FGF14: variants seen among roughly 807,000 people sequenced by gnomAD.
FGF14 encodes fibroblast growth factor 14.
A neutral mutation model predicts 25.5 loss-of-function variants in FGF14; 5 were observed. The ratio of observed to expected loss-of-function variants is 0.20; its 90% confidence interval spans 0.10 to 0.41. The LOEUF (loss-of-function observed/expected upper bound fraction) is 0.41. Ranked by LOEUF, FGF14 falls within the 10% of genes least tolerant of loss-of-function variation. FGF14 has a pLI of 1.00. For synonymous variants in FGF14, 138 were observed against 118.3 expected (o/e 1.17, Z -1.08); for missense variants, 222 against 320.1 (o/e 0.69, Z 2.34).
At chr13:101,799,961 CAAAT>C (rs1353632075) in intron 3 of FGF14, among the ~76,000 whole-genome samples, 1 of 152,082 alleles carries the variant, frequency 6.6e-6, no homozygotes, top group African/African-American at 2.4e-5. Flanking sequence ...TTAGTGCAGA[CAAAT>C]GAATTGCCTT....
At chr13:102,034,402 T>C (rs934673872) in intron 1 of FGF14, among the ~76,000 whole-genome samples, 2 of 152,210 alleles carry the variant, frequency 1.3e-5, no homozygotes, top group Non-Finnish European at 2.9e-5. Flanking sequence ...TTCATGATAC[T>C]GGCTGTTTAG....
At chr13:102,190,836 A>G (rs981914855) in intron 1 of FGF14, among the ~76,000 whole-genome samples, 4 of 152,292 alleles carry the variant, frequency 2.6e-5, no homozygotes, top group Middle Eastern at 3.4e-3. Context: ...ATTCTTTATT[A>G]AAGAAAAAAC....
chr13:102,337,355 G>T (rs905230050), intron 1 of FGF14, among the ~76,000 whole-genome samples: 4 of 152,130 alleles, frequency 2.6e-5, no homozygotes, highest in African/African-American at 7.2e-5. Context: ...AAAAGCAAGA[G>T]AATTAGAATT....
In FGF14 at chr13:102,400,474, G is replaced by GCGC. The variant is rs1334943636; in HGVS notation, c.208+994_208+996dup. ...AAGGCTGCGCCCAGCCTCCTCGCCA[G>GCGC]CGCCGCCGCCACCACCATGCAGCCC... On this transcript the variant is annotated intron_variant, in intron 1 of 4. Coordinates refer to the FGF14 transcript ENST00000376131. The surrounding 1 kb of genome is among the most constrained non-coding windows in gnomAD (Gnocchi z 4.3). Among the ~76,000 whole-genome samples, 2 of 152,188 alleles carry GCGC rather than the reference G, an allele frequency of 1.3e-5. No individual in the cohort carries two copies. The highest frequency in any genetic ancestry group is 2.9e-5 in the Non-Finnish European group (2 of 68,030).
At chr13:102,084,230 T>C (rs1011109123) in intron 1 of FGF14, among the ~76,000 whole-genome samples, 1 of 152,204 alleles carries the variant, frequency 6.6e-6, no homozygotes, top group Middle Eastern at 3.4e-3. Context: ...TAACTCTGTT[T>C]CTTTATTTTT....
chr13:102,067,796 A>T (rs897085729), intron 1 of FGF14, among the ~76,000 whole-genome samples: 1 of 152,074 alleles, frequency 6.6e-6, no homozygotes. Context: ...ATCAATACTC[A>T]AGTACAAGAA....
chr13:102,275,563 G>T (rs2053495638), intron 1 of FGF14, among the ~76,000 whole-genome samples: 2 of 152,128 alleles, frequency 1.3e-5, no homozygotes, highest in Non-Finnish European at 2.9e-5. Flanking sequence ...ATTCCATTGG[G>T]AAATTACTTG....
chr13:101,806,439 A>G (rs1207558744), intron 3 of FGF14, among the ~76,000 whole-genome samples: 1 of 150,920 alleles, frequency 6.6e-6, no homozygotes, highest in Non-Finnish European at 1.5e-5. Flanking sequence ...AAAAAAAAAA[A>G]GGAAGAAAAA....
chr13:102,330,894 A>G (rs2056615071), intron 1 of FGF14, among the ~76,000 whole-genome samples: 1 of 152,178 alleles, frequency 6.6e-6, no homozygotes, highest in Admixed American at 6.6e-5. Flanking sequence ...ATTTTCTGCA[A>G]TTTTTCTGGC....
At chr13:101,919,693 G>A (rs943699491), upstream of FGF14, among the ~76,000 whole-genome samples, 1 of 152,048 alleles carries the variant, frequency 6.6e-6, no homozygotes, top group Non-Finnish European at 1.5e-5. Context: ...GGAGAAAAGC[G>A]CTGGCTGTGA....
intron 1 of FGF14, among the ~76,000 whole-genome samples, chr13:102,388,507 T>C (rs1221204451): frequency 6.6e-6 from 1 of 152,178 alleles, no homozygotes; most frequent in Non-Finnish European, 1.5e-5. Context: ...GACTCCCATG[T>C]CTCTCATTTA....
intron 1 of FGF14, among the ~76,000 whole-genome samples, chr13:102,028,132 G>A (rs950398748): frequency 4.6e-5 from 7 of 152,012 alleles, no homozygotes; most frequent in South Asian, 4.1e-4. Flanking sequence ...AAAGGAAAGC[G>A]TGTCTTTCAA....
intron 1 of FGF14, among the ~76,000 whole-genome samples, chr13:101,981,841 C>T (rs2038287074): frequency 6.6e-6 from 1 of 152,160 alleles, no homozygotes; most frequent in South Asian, 2.1e-4. Flanking sequence ...AGAGATGAAA[C>T]AAATCAGCTC....
At chr13:101,842,735 A>G (rs1172179232) in intron 3 of FGF14, among the ~76,000 whole-genome samples, 1 of 151,992 alleles carries the variant, frequency 6.6e-6, no homozygotes, top group Non-Finnish European at 1.5e-5. Flanking sequence ...GAGCATCACT[A>G]AGCATGTTTC....
At chr13:102,018,640 C>T (rs868252964) in intron 1 of FGF14, among the ~76,000 whole-genome samples, 4 of 151,850 alleles carry the variant, frequency 2.6e-5, no homozygotes, top group Non-Finnish European at 5.9e-5. Flanking sequence ...TCTTCTTCCT[C>T]CTCCAGCCCT....
chr13:101,878,391 T>C (rs1278839153), intron 1 of FGF14, among the ~76,000 whole-genome samples: 1 of 152,174 alleles, frequency 6.6e-6, no homozygotes, highest in Non-Finnish European at 1.5e-5. Flanking sequence ...TGACATCAAA[T>C]TCTTCCTTTG....
At chr13:102,385,636 A>G (rs2058284622) in intron 1 of FGF14, among the ~76,000 whole-genome samples, 1 of 152,188 alleles carries the variant, frequency 6.6e-6, no homozygotes, top group African/African-American at 2.4e-5. Flanking sequence ...ACAAAAAGTT[A>G]TTTTTGTACT....
chr13:101,853,438 T>G (rs1373464059), intron 3 of FGF14, among the ~76,000 whole-genome samples: 1 of 152,028 alleles, frequency 6.6e-6, no homozygotes, highest in Non-Finnish European at 1.5e-5. Context: ...CAGTGTATTA[T>G]TTATTTATTT....
chr13:102,397,480 G>C (rs909285993), intron 1 of FGF14, among the ~76,000 whole-genome samples: 1 of 152,214 alleles, frequency 6.6e-6, no homozygotes, highest in Non-Finnish European at 1.5e-5. Context: ...TAGGGCGTCT[G>C]CTTCGTACTA....
Sources: gnomAD v4.1 joint callset for allele counts (sites outside exome capture counted in the v4.1 genomes callset) on GRCh38, gnomAD v4.1.1 for gene constraint, Gnocchi (gnomAD v3.1) non-coding constraint, MANE v1.5 for transcripts, NCBI Gene and HGNC (gene_info 2026-07-23, HGNC 2026-07-21) for gene names.